The following RAB8B variants were observed in gnomAD, a reference collection of about 807,000 sequenced individuals.
The protein encoded by RAB8B is ras-related protein Rab-8B.
RAB8B carries 11 observed loss-of-function variants against 32.0 expected under a neutral mutation model. That is an observed-to-expected ratio of 0.34 (90% CI 0.22 to 0.57). RAB8B has a LOEUF of 0.57. Among genes scored for constraint, RAB8B ranks in the 20% least tolerant of loss-of-function variants. RAB8B has a pLI of 0.86. For synonymous variants in RAB8B, 103 were observed against 89.6 expected, an observed-to-expected ratio of 1.15 and a Z score of -0.85; for missense variants, 190 against 258.5, an observed-to-expected ratio of 0.73 and a Z score of 1.82.
chr15:63,201,043 C>G (rs552689913), intron 1 of RAB8B, among the ~76,000 whole-genome samples: 5 of 151,624 alleles, frequency 3.3e-5, no homozygotes, highest in Non-Finnish European at 7.4e-5. Flanking sequence ...ACTAGATTTC[C>G]AAGAACCTCT....
intron 1 of RAB8B, among the ~76,000 whole-genome samples, chr15:63,242,734 A>G (rs908983863): frequency 2.0e-5 from 3 of 152,118 alleles, no homozygotes; most frequent in Non-Finnish European, 2.9e-5. Flanking sequence ...GAGGATATGT[A>G]ATTTACGTGT....
intron 1 of RAB8B, among the ~76,000 whole-genome samples, chr15:63,216,333 A>G (rs1399297684): frequency 1.3e-5 from 2 of 150,594 alleles, no homozygotes; most frequent in Non-Finnish European, 3.0e-5. Context: ...GTTTCATGCA[A>G]TTCTCCTGCC....
chr15:63,216,222 TA>T, intron 1 of RAB8B, among the ~76,000 whole-genome samples: 2 of 147,082 alleles, frequency 1.4e-5, no homozygotes, highest in Admixed American at 6.8e-5. Flanking sequence ...ATTAATTAAT[TA>T]ATTAATTATT....
chr15:63,208,044 G>A (rs2037713874), intron 1 of RAB8B, among the ~76,000 whole-genome samples: 1 of 152,134 alleles, frequency 6.6e-6, no homozygotes, highest in Admixed American at 6.5e-5. Flanking sequence ...TACACTTCAA[G>A]CAAATTAGTT....
At chr15:63,230,491 A>G (rs1163119594) in intron 1 of RAB8B, among the ~76,000 whole-genome samples, 2 of 152,076 alleles carry the variant, frequency 1.3e-5, no homozygotes, top group Non-Finnish European at 2.9e-5. Flanking sequence ...TAGTAGAGAC[A>G]CGGTTTCGCC....
Position 63,263,568 on chromosome 15 carries a change from A to G in RAB8B, c.573A>G (p.Ile191Met), listed in dbSNP as rs1196952797. ...CAGGAGCAGGTGGACCAGTGAAAAT[A>G]ACAGAAAACCGATCAAAGAAGACCA... ...NSAGAGGPVK[I>M]TENRSKKTSF... The change falls in exon 8 of 8, where the codon ATA becomes ATG. Residue 191 changes from isoleucine to methionine, a missense_variant. Around this residue, in one of 2 missense-constraint regions of RAB8B, gnomAD observed 110 missense variants for 115.9 expected, o/e 0.95. Coordinates refer to ENST00000321437, the MANE Select transcript of RAB8B (RefSeq NM_016530.3). 1 of 1,613,118 alleles carries G rather than the reference A, an allele frequency of 6.2e-7. No homozygotes were observed. The highest frequency in any genetic ancestry group is 8.5e-7 in the Non-Finnish European group (1 of 1,179,126).
chr15:63,199,652 T>G (rs1274333058), intron 1 of RAB8B, among the ~76,000 whole-genome samples: 4 of 151,872 alleles, frequency 2.6e-5, no homozygotes, highest in African/African-American at 7.3e-5. Flanking sequence ...CAACTTTGGG[T>G]TTTTTTTGTT....
chr15:63,207,491 T>G lies in RAB8B; in HGVS notation c.124+17743T>G, dbSNP rs553092289. Among the ~76,000 whole-genome samples the G allele has an allele frequency of 4.6e-5, 7 of 151,902 alleles. No homozygotes were observed. The East Asian group carries it at 1.3e-3, about 29-fold the overall frequency. Reference sequence around the variant, plus strand: ...ATTGTCATATATTTTTTAACCCATATTTTTTTTCAGGTATTTAGGCTCAAA... The same window carrying G: ...ATTGTCATATATTTTTTAACCCATAGTTTTTTTCAGGTATTTAGGCTCAAA... On this transcript the variant is annotated intron_variant, in intron 1 of 7. Transcript: ENST00000321437.
At chr15:63,207,455 C>A (rs555257920) in intron 1 of RAB8B, among the ~76,000 whole-genome samples, 30 of 152,194 alleles carry the variant, frequency 2.0e-4, no homozygotes, top group African/African-American at 6.5e-4. Context: ...TTATCTAGTA[C>A]CCTTTCATGA....
intron 1 of RAB8B, among the ~76,000 whole-genome samples, chr15:63,210,831 A>C (rs1411637151): frequency 6.6e-6 from 1 of 152,144 alleles, no homozygotes; most frequent in Non-Finnish European, 1.5e-5. Context: ...GCTGGTATGC[A>C]AATAAAAGAT....
At position 63,248,051 on chromosome 15, in the gene RAB8B, C is replaced by T. The variant is rs73443227; in HGVS notation, c.186-1594C>T. On this transcript the variant is annotated intron_variant, in intron 2 of 7. Coordinates refer to ENST00000321437, the MANE Select transcript of RAB8B (RefSeq NM_016530.3). This position sits in a 1 kb window ranked among gnomAD's most constrained non-coding sequence, Gnocchi z 4.4. ...GGTTTCTCAGAGAAATATGGTTAGT[C>T]TGCTAAAAAGTGCTTGCCTTCCATT... 5.6e-4 allele frequency among the ~76,000 whole-genome samples: 85 copies of T among 152,354 alleles called. No individual in the cohort carries two copies. Among genetic ancestry groups the T allele is most frequent in the African/African-American group, 1.9e-3 (79 of 41,572 alleles).
At chr15:63,217,802 C>T (rs2037806679) in intron 1 of RAB8B, among the ~76,000 whole-genome samples, 3 of 151,946 alleles carry the variant, frequency 2.0e-5, no homozygotes, top group Admixed American at 2.0e-4. Flanking sequence ...TATGTTTATT[C>T]CACTTAGTAT....
At chr15:63,247,515 C>G (rs1209622628) in intron 2 of RAB8B, among the ~76,000 whole-genome samples, 1 of 152,030 alleles carries the variant, frequency 6.6e-6, no homozygotes, top group Non-Finnish European at 1.5e-5. Context: ...TTTTTAACCT[C>G]CTAGAAGCTG....
At chr15:63,229,902 A>G (rs2141127418) in intron 1 of RAB8B, among the ~76,000 whole-genome samples, 1 of 151,998 alleles carries the variant, frequency 6.6e-6, no homozygotes, top group African/African-American at 2.4e-5. Flanking sequence ...ATGGCTACAT[A>G]TATAGATGAG....
chr15:63,256,401 A>T (rs528976260), intron 4 of RAB8B, 104 bp from the exon 5 acceptor site: 21 of 799,916 alleles, frequency 2.6e-5, no homozygotes, highest in African/African-American at 2.5e-4. Context: ...TGAGTAAAAG[A>T]TTATGTCTTA....
At chr15:63,218,526 T>G (rs2037813036) in intron 1 of RAB8B, among the ~76,000 whole-genome samples, 1 of 152,238 alleles carries the variant, frequency 6.6e-6, no homozygotes, top group African/African-American at 2.4e-5. Context: ...TCTAAGAGTT[T>G]GTGCTTTAGA....
At chr15:63,241,484 C>T (rs915568348) in intron 1 of RAB8B, among the ~76,000 whole-genome samples, 3 of 152,110 alleles carry the variant, frequency 2.0e-5, no homozygotes, top group East Asian at 1.9e-4. Flanking sequence ...ATGTAAGTTA[C>T]AGTCTTAACC....
At position 63,248,991 on chromosome 15, in the gene RAB8B, T is replaced by C. The variant is rs2038093577; in HGVS notation, c.186-654T>C. Among the ~76,000 whole-genome samples, 1 of 152,236 alleles carries C rather than the reference T, an allele frequency of 6.6e-6. No individual in the cohort carries two copies. The highest frequency in any genetic ancestry group is 2.4e-5 in the African/African-American group (1 of 41,468). On this transcript the variant is annotated intron_variant, in intron 2 of 7. Transcript: ENST00000321437. This position sits in a 1 kb window ranked among gnomAD's most constrained non-coding sequence, Gnocchi z 4.4. ...ACTCTTATATTTTTCAGAATGCATTTTAATGGTATGCCATCAGCTAAAAAG... is the reference window on the plus strand; with the variant it reads ...ACTCTTATATTTTTCAGAATGCATTCTAATGGTATGCCATCAGCTAAAAAG...
Position 63,244,821 on chromosome 15 carries a change from G to A in RAB8B, c.185+5G>A. On this transcript the variant is annotated splice_donor_5th_base_variant and intron_variant, in intron 2 of 7. Coordinates refer to ENST00000321437, the MANE Select transcript of RAB8B (RefSeq NM_016530.3). ...GAAAATTAAGCTTCAGATATGGTAA[G>A]TAAACACACACACAGAGTTTCTGCT... 6.4e-7 allele frequency: 1 copy of A among 1,565,744 alleles called. No homozygotes were observed. The highest frequency in any genetic ancestry group is 8.8e-7 in the Non-Finnish European group (1 of 1,142,060).
Sources: allele counts gnomAD v4.1 joint callset (sites outside exome capture counted in the v4.1 genomes callset), GRCh38; gene constraint gnomAD v4.1.1; regional missense constraint gnomAD v4.1.1; non-coding constraint Gnocchi (gnomAD v3.1); transcripts MANE v1.5; gene names NCBI Gene and HGNC (gene_info 2026-07-23, HGNC 2026-07-21).